Variants in SLC38A8 observed in about 807,000 individuals in gnomAD.
The protein encoded by SLC38A8 is amino acid transporter SLC38A8.
SLC38A8 carries 65 observed loss-of-function variants against 46.0 expected under a neutral mutation model. The ratio of observed to expected loss-of-function variants is 1.41; its 90% CI spans 1.16 to 1.74. The LOEUF is 1.74. SLC38A8 is among the 40% of genes most tolerant of loss of function. SLC38A8 has a pLI of 0.00. For synonymous variants in SLC38A8, 447 were observed against 243.7 expected, an observed-to-expected ratio of 1.83 and a Z score of -7.77; for missense variants, 998 against 567.9, an observed-to-expected ratio of 1.76 and a Z score of -7.70.
chr16:84,015,930 C>T (rs747449678), intron 9 of SLC38A8, among the ~76,000 whole-genome samples: 11 of 152,216 alleles, frequency 7.2e-5, no homozygotes, highest in East Asian at 1.9e-4. Context: ...CCGCCTGCCT[C>T]GGCCTCCCAA....
At chr16:84,026,122 C>G (rs902384768) in intron 6 of SLC38A8, among the ~76,000 whole-genome samples, 9 of 152,246 alleles carry the variant, frequency 5.9e-5, no homozygotes, top group African/African-American at 1.4e-4. Context: ...AGGGGCACAG[C>G]TGAGTCCAAT....
At chr16:84,036,599 C>G in intron 3 of SLC38A8, 103 bp downstream of exon 3, 1 of 1,342,364 alleles carries the variant, frequency 7.4e-7, no homozygotes. Flanking sequence ...TGCTGTCCCT[C>G]AGGGCCCAGG....
At chr16:84,038,781 T>C (rs1055429577) in intron 2 of SLC38A8, among the ~76,000 whole-genome samples, 3 of 152,106 alleles carry the variant, frequency 2.0e-5, no homozygotes, top group Non-Finnish European at 2.9e-5. Flanking sequence ...TTTACGTAAT[T>C]CCTGGCTACT....
In SLC38A8 at chr16:84,022,841, G is replaced by C. The variant is rs775581160; in HGVS notation, c.739C>G (p.Leu247Val). The C allele has an allele frequency of 1.2e-6, 2 of 1,612,448 alleles. No homozygotes were observed. Among genetic ancestry groups the C allele is most frequent in the Admixed American group, 1.7e-5 (1 of 59,668 alleles). The change falls in exon 7 of 11, where the codon CTC becomes GTC. Residue 247 changes from leucine (L) to valine (V), a missense_variant. By Grantham distance (32) the Leu-to-Val change is conservative (BLOSUM62 1). Transcript: ENST00000299709. ...SIYCSMRKRS[L>V]SHWALVSVLS... ...ACAGACACCAGGGCCCAGTGGGAGA[G>C]GCTCCGTTTGCGCATGCTGCAGTAG...
chr16:84,041,603 G>A (rs1285056353), intron 2 of SLC38A8, among the ~76,000 whole-genome samples: 3 of 152,166 alleles, frequency 2.0e-5, no homozygotes, highest in Non-Finnish European at 2.9e-5. Flanking sequence ...ACGAGCCACC[G>A]TGCCCGGCCC....
chr16:84,038,895 G>A (rs996370913), intron 2 of SLC38A8, among the ~76,000 whole-genome samples: 1 of 152,248 alleles, frequency 6.6e-6, no homozygotes, highest in Non-Finnish European at 1.5e-5. Flanking sequence ...AATTAGCTGA[G>A]CATGGTGGTC....
At chr16:84,015,752 C>A (rs563895149) in intron 9 of SLC38A8, among the ~76,000 whole-genome samples, 1 of 152,304 alleles carries the variant, frequency 6.6e-6, no homozygotes, top group African/African-American at 2.4e-5. Context: ...GTCGCCCAGG[C>A]TAGAGTGCAG....
chr16:84,030,965 G>A (rs113423988), intron 5 of SLC38A8, among the ~76,000 whole-genome samples: 18 of 152,144 alleles, frequency 1.2e-4, no homozygotes, highest in Admixed American at 3.9e-4. Context: ...CTAGGCAGAG[G>A]CCTCCCACTT....
chr16:84,016,417 G>A, intron 9 of SLC38A8, 102 bp downstream of exon 9: 1 of 1,363,320 alleles, frequency 7.3e-7, no homozygotes, highest in Admixed American at 2.3e-5. Flanking sequence ...ACCCATATGT[G>A]GCTCCCACCT....
intron 9 of SLC38A8, among the ~76,000 whole-genome samples, chr16:84,015,167 T>C (rs1450426807): frequency 6.6e-6 from 1 of 152,106 alleles, no homozygotes; most frequent in Admixed American, 6.5e-5. Flanking sequence ...TGAGGGAGTC[T>C]CGACTGTGTA....
At chr16:84,014,784 C>T (rs183379076) in intron 9 of SLC38A8, among the ~76,000 whole-genome samples, 1 of 152,322 alleles carries the variant, frequency 6.6e-6, no homozygotes, top group Non-Finnish European at 1.5e-5. Flanking sequence ...AATCTTAATT[C>T]ACCTGCTAAG....
intron 6 of SLC38A8, among the ~76,000 whole-genome samples, chr16:84,026,163 C>G (rs1006588659): frequency 6.6e-6 from 1 of 152,266 alleles, no homozygotes; most frequent in African/African-American, 2.4e-5. Context: ...TAGTGCCAGA[C>G]AGGTTGGTGG....
chr16:84,034,626 A>G (rs1393472073), intron 3 of SLC38A8, among the ~76,000 whole-genome samples: 12 of 152,140 alleles, frequency 7.9e-5, no homozygotes, highest in Non-Finnish European at 1.8e-4. Flanking sequence ...CAACAAGGGG[A>G]GCCATGTGAA....
At chr16:84,032,644 T>G (rs2085255581) in intron 4 of SLC38A8, among the ~76,000 whole-genome samples, 1 of 152,162 alleles carries the variant, frequency 6.6e-6, no homozygotes, top group South Asian at 2.1e-4. Flanking sequence ...CCCCCTGGCT[T>G]GGTCTGAGTG....
intron 9 of SLC38A8, among the ~76,000 whole-genome samples, chr16:84,013,435 T>TTGTTG (rs1301467007): frequency 0.039 from 5,072 of 130,668 alleles, 136 homozygotes; most frequent in South Asian, 0.083. Flanking sequence ...TTTTTTTTTT[T>TTGTTG]TTTTTTTTTT....
At chr16:84,018,656 C>A (rs534456474) in intron 7 of SLC38A8, among the ~76,000 whole-genome samples, 1 of 152,296 alleles carries the variant, frequency 6.6e-6, no homozygotes, top group East Asian at 1.9e-4. Flanking sequence ...AAACTAAAAT[C>A]AACACCAGAC....
chr16:84,014,063 T>C (rs979084594), intron 9 of SLC38A8, among the ~76,000 whole-genome samples: 1 of 148,990 alleles, frequency 6.7e-6, no homozygotes, highest in African/African-American at 2.5e-5. Context: ...CACTCTCATC[T>C]CTGAAAGGCC....
rs776828053 is a variant in SLC38A8, at chr16:84,036,762, G to T, written c.328C>A (p.Leu110Ile). The change falls in exon 3 of 11, where the codon CTC (leucine) becomes ATC (isoleucine). Residue 110 changes from leucine to isoleucine, a missense_variant. Coordinates refer to ENST00000299709, the MANE Select transcript of SLC38A8 (RefSeq NM_001080442.3). ...GCCACGGAGATCATGAGCAGGTTGA[G>T]GAGGAAGCAGGCCTCACACAGCTTC... ...IGKLCEACFL[L>I]NLLMISVAFL... 72 of 1,614,088 alleles carry T rather than the reference G, an allele frequency of 4.5e-5. No individual in the cohort carries two copies. Among genetic ancestry groups the T allele is most frequent in the Non-Finnish European group, 5.3e-5 (63 of 1,180,044 alleles).
chr16:84,040,903 G>T (rs931266761), intron 2 of SLC38A8, among the ~76,000 whole-genome samples: 4 of 152,210 alleles, frequency 2.6e-5, no homozygotes, highest in Admixed American at 1.3e-4. Flanking sequence ...CCTAGGCCAG[G>T]CACGGGGCAG....
Sources: gnomAD v4.1 joint callset for allele counts (sites outside exome capture counted in the v4.1 genomes callset) on GRCh38, gnomAD v4.1.1 for gene constraint, MANE v1.5 for transcripts, NCBI Gene and HGNC (gene_info 2026-07-23, HGNC 2026-07-21) for gene names.